Variants in AARS1 observed in about 807,000 individuals in gnomAD.
AARS1 encodes alanine--tRNA ligase, cytoplasmic.
Under a neutral mutation model 108.9 loss-of-function variants are expected in AARS1, and 72 were observed. The observed-to-expected ratio is 0.66, with a 90% CI of 0.55 to 0.80. AARS1 has a LOEUF of 0.80. Ranked by LOEUF, AARS1 falls within the 30% of genes least tolerant of loss-of-function variation. AARS1 has a pLI of 0.00. For missense variants in AARS1, 1,193 were observed against 1,233.2 expected (o/e 0.97, Z 0.49); for synonymous variants, 489 against 465.7 (o/e 1.05, Z -0.64).
chr16:70,255,211 TTTTTTG>T (rs1421924819), intron 16 of AARS1, among the ~76,000 whole-genome samples: 3 of 147,954 alleles, frequency 2.0e-5, no homozygotes, highest in African/African-American at 7.6e-5. Flanking sequence ...TTTTTTTTTT[TTTTTTG>T]GAGACGGAGT....
At chr16:70,258,462 T>A (rs1960048275) in intron 14 of AARS1, among the ~76,000 whole-genome samples, 1 of 152,204 alleles carries the variant, frequency 6.6e-6, no homozygotes, top group African/African-American at 2.4e-5. Flanking sequence ...AGAACAGCTC[T>A]GGTTCTCCCA....
chr16:70,275,957 A>AAC (rs1960539078), intron 4 of AARS1: 2 of 150,468 alleles, frequency 1.3e-5, no homozygotes, highest in Non-Finnish European at 2.9e-5. Flanking sequence ...AAAAAAAAAA[A>AAC]AAAACCATAT....
chr16:70,257,773 A>C (rs1960026318), intron 15 of AARS1, among the ~76,000 whole-genome samples: 1 of 152,232 alleles, frequency 6.6e-6, no homozygotes, highest in Non-Finnish European at 1.5e-5. Flanking sequence ...AAACAACAGC[A>C]AGCAACTGTG....
At chr16:70,264,867 T>C in intron 11 of AARS1, 91 bp downstream of exon 11, 2 of 1,540,928 alleles carry the variant, frequency 1.3e-6, no homozygotes, top group South Asian at 1.1e-5. Flanking sequence ...GTCAGCAGTC[T>C]GCTGGAGAGC....
chr16:70,261,162 G>A lies in AARS1; in HGVS notation c.1672-5C>T, dbSNP rs371238822. On this transcript the variant is annotated splice_polypyrimidine_tract_variant and splice_region_variant and intron_variant, in intron 12 of 20. Coordinates refer to ENST00000261772, the MANE Select transcript of AARS1 (RefSeq NM_001605.3). ...CTTCACTGTAAACTCTGTTTTCTAA[G>A]AGGGGTCAAGGAAGAGACCAATAAA... 1 of 1,604,350 alleles carries A rather than the reference G, an allele frequency of 6.2e-7. No individual in the cohort carries two copies. The highest frequency in any genetic ancestry group is 1.3e-5 in the African/African-American group (1 of 74,692).
chr16:70,284,965 C>G (rs1189351287), intron 1 of AARS1, among the ~76,000 whole-genome samples: 2 of 152,158 alleles, frequency 1.3e-5, no homozygotes, highest in African/African-American at 4.8e-5. Flanking sequence ...TGCGGTGGCT[C>G]ACACCTGTAA....
chr16:70,261,189 A>C (rs773102446), intron 12 of AARS1, 32 bp from the exon 13 acceptor site: 2 of 1,496,350 alleles, frequency 1.3e-6, no homozygotes, highest in Admixed American at 3.4e-5. Context: ...ACCAATAAAT[A>C]AATCCTTAAA....
At position 70,268,335 on chromosome 16, in the gene AARS1, T is replaced by C. The variant is rs1025002934; in HGVS notation, c.1007A>G (p.His336Arg). 3 of 1,614,066 alleles carry C rather than the reference T, an allele frequency of 1.9e-6. No individual in the cohort carries two copies. The highest frequency in any genetic ancestry group is 1.1e-5 in the South Asian group (1 of 91,092). The change falls in exon 8 of 21, where the codon CAT becomes CGT. Residue 336 changes from histidine (H) to arginine (R), a missense_variant. His to Arg is a conservative substitution (Grantham distance 29). Transcript: ENST00000261772. ...RILRRAVRYAHEKLNASRGFF... is the reference protein window; with the variant it reads ...RILRRAVRYAREKLNASRGFF... Reference sequence around the variant, plus strand: ...GCCCCTGCTGGCATTGAGCTTTTCATGGGCGTATCGGACAGCTCGGCGGAG... The same window carrying C: ...GCCCCTGCTGGCATTGAGCTTTTCACGGGCGTATCGGACAGCTCGGCGGAG...
intron 2 of AARS1, 112 bp from the exon 3 acceptor site, chr16:70,277,266 T>C (rs1960573434): frequency 1.1e-5 from 12 of 1,141,864 alleles, no homozygotes; most frequent in East Asian, 2.4e-5. Context: ...ATGATTAACA[T>C]GCCTGGAATA....
At chr16:70,256,885 C>T (rs867528108) in intron 15 of AARS1, among the ~76,000 whole-genome samples, 38 of 151,298 alleles carry the variant, frequency 2.5e-4, no homozygotes, top group Middle Eastern at 3.4e-3. Context: ...GAGGCTGAGG[C>T]GGGTGGGTCA....
intron 1 of AARS1, among the ~76,000 whole-genome samples, chr16:70,283,177 T>C (rs2152170726): frequency 6.6e-6 from 1 of 152,188 alleles, no homozygotes; most frequent in South Asian, 2.1e-4. Flanking sequence ...GGTGGGCAGA[T>C]CACAAGGTCA....
At position 70,253,318 on chromosome 16, in the gene AARS1, T is replaced by G; in HGVS notation, c.2671A>C (p.Thr891Pro). The part of the protein sequence containing the change: ...HSPQTSAMLF[T>P]VDNEAGKITC... ...ATCTTGCCAGCCTCATTGTCCACCG[T>G]GAAGAGCATGGCAGAAGTCTGAGGG... Residue 891 changes from threonine (T) to proline (P), a missense_variant, in exon 20 of 21, where the codon ACG (threonine) becomes CCG (proline). Coordinates refer to ENST00000261772, the MANE Select transcript of AARS1 (RefSeq NM_001605.3). 1 of 1,614,154 alleles carries G rather than the reference T, an allele frequency of 6.2e-7. No individual in the cohort carries two copies. The highest frequency in any genetic ancestry group is 8.5e-7 in the Non-Finnish European group (1 of 1,180,016).
intron 1 of AARS1, among the ~76,000 whole-genome samples, chr16:70,283,585 GCT>G (rs1054029404): frequency 6.6e-6 from 1 of 152,108 alleles, no homozygotes; most frequent in Non-Finnish European, 1.5e-5. Flanking sequence ...GATCCCTTCA[GCT>G]CTGTGTTAAT....
chr16:70,280,347 G>C (rs979686033), intron 2 of AARS1, among the ~76,000 whole-genome samples: 1 of 152,102 alleles, frequency 6.6e-6, no homozygotes, highest in South Asian at 2.1e-4. Flanking sequence ...CTCCCAAGTA[G>C]CATAATTTTT....
chr16:70,280,939 C>T (rs918167619), intron 2 of AARS1, among the ~76,000 whole-genome samples: 2 of 152,096 alleles, frequency 1.3e-5, no homozygotes, highest in South Asian at 2.1e-4. Context: ...GCAATCGTCC[C>T]GCCTCAGCCT....
chr16:70,268,344 C>A lies in AARS1; in HGVS notation c.998G>T (p.Arg333Leu), dbSNP rs778511459. ...VLRRILRRAV[R>L]YAHEKLNASR... Reference sequence around the variant, plus strand: ...GGCATTGAGCTTTTCATGGGCGTATCGGACAGCTCGGCGGAGAATCCGTCT... The same window carrying A: ...GGCATTGAGCTTTTCATGGGCGTATAGGACAGCTCGGCGGAGAATCCGTCT... The change falls in exon 8 of 21, where the codon CGA becomes CTA. Residue 333 changes from arginine (R) to leucine (L), a missense_variant. Physicochemically the swap from Arg to Leu is moderately radical, Grantham distance 102 (BLOSUM62 -2). Coordinates refer to ENST00000261772, the MANE Select transcript of AARS1 (RefSeq NM_001605.3). 1 of 1,614,112 alleles carries A rather than the reference C, an allele frequency of 6.2e-7. No homozygotes were observed. Among genetic ancestry groups the A allele is most frequent in the South Asian group, 1.1e-5 (1 of 91,080 alleles).
In AARS1 at chr16:70,268,354, G is replaced by A. The variant is rs758183257; in HGVS notation, c.988C>T (p.Arg330Ter). The stretch of plus-strand genomic sequence containing the variant: ...TTTTCATGGGCGTATCGGACAGCTC[G>A]GCGGAGAATCCGTCTCAACACATAT... ...RGYVLRRILR[R>*]AVRYAHEKLN... Residue 330 changes from arginine (R) to a stop codon, truncating the protein, a stop_gained, in exon 8 of 21, where the codon CGA becomes TGA. Coordinates refer to ENST00000261772, the MANE Select transcript of AARS1 (RefSeq NM_001605.3). LOFTEE classifies it high-confidence loss of function. 4.3e-6 allele frequency: 7 copies of A among 1,614,014 alleles called. No individual in the cohort carries two copies. The East Asian group carries it at 6.7e-5, about 15-fold the overall frequency.
rs868291701 is a variant in AARS1 at position 70,269,628 on chromosome 16, T to C, written c.952A>G (p.Thr318Ala). ...GTGCAGCATACTTACCCACGCCCTG[T>C]GTTGTCAGGCCGGCCACCATCAGCC... Reference protein sequence around the residue: ...ALADGGRPDNTGRGYVLRRIL... With the variant: ...ALADGGRPDNAGRGYVLRRIL... Residue 318 changes from threonine (T) to alanine (A), a missense_variant, in exon 7 of 21, where the codon ACA (threonine) becomes GCA (alanine). Thr to Ala is a moderately conservative substitution (Grantham distance 58). Coordinates refer to ENST00000261772, the MANE Select transcript of AARS1 (RefSeq NM_001605.3). 11 of 1,613,910 alleles carry C rather than the reference T, an allele frequency of 6.8e-6. No individual in the cohort carries two copies. Among genetic ancestry groups the C allele is most frequent in the African/African-American group, 1.3e-5 (1 of 74,914 alleles).
Position 70,268,377 on chromosome 16 carries a change from T to C in AARS1, c.965A>G (p.Tyr322Cys). The C allele has an allele frequency of 1.2e-6, 2 of 1,614,002 alleles. No homozygotes were observed. Among genetic ancestry groups the C allele is most frequent in the Non-Finnish European group, 8.5e-7 (1 of 1,179,894 alleles). ...GGRPDNTGRGYVLRRILRRAV... is the reference protein window; with the variant it reads ...GGRPDNTGRGCVLRRILRRAV... ...TCGGCGGAGAATCCGTCTCAACACA[T>C]ATCTGTAAGAGGCAAAAACTAGTCC... Residue 322 changes from tyrosine (Y) to cysteine (C), a missense_variant and splice_region_variant, in exon 8 of 21, where the codon TAT (tyrosine) becomes TGT (cysteine). Coordinates refer to ENST00000261772, the MANE Select transcript of AARS1 (RefSeq NM_001605.3).
Sources: allele counts gnomAD v4.1 joint callset (sites outside exome capture counted in the v4.1 genomes callset), GRCh38; gene constraint gnomAD v4.1.1; transcripts MANE v1.5; gene names NCBI Gene and HGNC (gene_info 2026-07-23, HGNC 2026-07-21).